The following RSRC1 variants were observed in gnomAD, a reference collection of about 807,000 sequenced individuals.
RSRC1 encodes the protein arginine and serine rich coiled-coil 1.
RSRC1 carries 39 observed loss-of-function variants against 49.1 expected under a neutral mutation model. That is an observed-to-expected ratio of 0.79 (90% CI 0.61 to 1.04). The LOEUF (loss-of-function observed/expected upper bound fraction) is 1.04. RSRC1 is among the 50% of genes least tolerant of loss of function. The probability of loss-of-function intolerance (pLI) is 0.00; values close to 1 mark genes in which losing one functional copy is unlikely to be tolerated. For missense variants in RSRC1, 388 were observed against 402.4 expected (o/e 0.96, Z 0.31); for synonymous variants, 143 against 130.8 (o/e 1.09, Z -0.63).
chr3:158,267,151 A>G (rs936926561), intron 4 of RSRC1, among the ~76,000 whole-genome samples: 1 of 151,980 alleles, frequency 6.6e-6, no homozygotes, highest in African/African-American at 2.4e-5. Flanking sequence ...TTTCCTCATC[A>G]CTTTGTATTG....
At chr3:158,293,628 C>T (rs996834485) in intron 4 of RSRC1, among the ~76,000 whole-genome samples, 1 of 151,956 alleles carries the variant, frequency 6.6e-6, no homozygotes, top group African/African-American at 2.4e-5. Flanking sequence ...CTTTACTTGC[C>T]TTACCTTGTT....
At chr3:158,258,208 C>CTTTTTTTTTT (rs71144451) in intron 4 of RSRC1, among the ~76,000 whole-genome samples, 6 of 65,776 alleles carry the variant, frequency 9.1e-5, no homozygotes, top group Non-Finnish European at 1.4e-4. Flanking sequence ...TCCTTTTAAC[C>CTTTTTTTTTT]TTTTTTTTTT....
At chr3:158,216,142 A>AT (rs1325041724) in intron 4 of RSRC1, among the ~76,000 whole-genome samples, 1 of 151,514 alleles carries the variant, frequency 6.6e-6, no homozygotes, top group Non-Finnish European at 1.5e-5. Context: ...AGTAATTGCG[A>AT]TTTTGCCATC....
chr3:158,203,102 T>C lies in RSRC1; in HGVS notation c.351T>C (p.His117=). 1 of 1,613,582 alleles carries C rather than the reference T, an allele frequency of 6.2e-7. No individual in the cohort carries two copies. The highest frequency in any genetic ancestry group is 1.1e-5 in the South Asian group (1 of 91,034). The change falls in exon 4 of 10, where the codon CAT becomes CAC. Residue 117 remains histidine (H), a synonymous_variant. Transcript: ENST00000611884. ...GGTCAAGACCTCGTCTCCGTTCTCA[T>C]AGTCGTAGCAGTGAAAGGTCCAGTC... The part of the protein sequence containing the change: ...RSRSRPRLRS[H]SRSSERSSHR...
At chr3:158,207,697 G>C (rs940149956) in intron 4 of RSRC1, among the ~76,000 whole-genome samples, 1 of 98,906 alleles carries the variant, frequency 1.0e-5, no homozygotes, top group Admixed American at 1.1e-4. Context: ...AGGACACAAA[G>C]TATATATTTA....
chr3:158,445,060 T>C (rs1006798499), intron 6 of RSRC1, among the ~76,000 whole-genome samples: 11 of 152,192 alleles, frequency 7.2e-5, no homozygotes, highest in Non-Finnish European at 1.3e-4. Flanking sequence ...TTGGTGGGAC[T>C]GTAAACTAGT....
chr3:158,479,586 T>C (rs1039474575), intron 7 of RSRC1, among the ~76,000 whole-genome samples: 2 of 152,044 alleles, frequency 1.3e-5, no homozygotes, highest in African/African-American at 4.8e-5. Context: ...TTAACCAAGC[T>C]TGATACCCCT....
chr3:158,124,710 T>TAGTA (rs1334237179), intron 3 of RSRC1, among the ~76,000 whole-genome samples: 1 of 152,206 alleles, frequency 6.6e-6, no homozygotes. Context: ...TTAGCATTCT[T>TAGTA]AGTAGTCTTT....
At chr3:158,355,964 GTTTAA>G (rs915697510) in intron 6 of RSRC1, among the ~76,000 whole-genome samples, 6 of 151,634 alleles carry the variant, frequency 4.0e-5, no homozygotes, top group African/African-American at 1.2e-4. Flanking sequence ...CTATGATAAA[GTTTAA>G]TTTATAGATT....
chr3:158,480,482 G>C (rs1008270734), intron 7 of RSRC1, among the ~76,000 whole-genome samples: 1 of 151,910 alleles, frequency 6.6e-6, no homozygotes, highest in African/African-American at 2.4e-5. Context: ...CTTTTGGTTA[G>C]AAAGTGCTCT....
chr3:158,208,180 T>C (rs1721453400), intron 4 of RSRC1, among the ~76,000 whole-genome samples: 1 of 152,162 alleles, frequency 6.6e-6, no homozygotes, highest in Non-Finnish European at 1.5e-5. Context: ...ATTTAGTTTC[T>C]AAGAATATTT....
chr3:158,307,633 C>G (rs1191441769), intron 5 of RSRC1, among the ~76,000 whole-genome samples: 1 of 151,644 alleles, frequency 6.6e-6, no homozygotes, highest in Non-Finnish European at 1.5e-5. Flanking sequence ...AAGGGCACTG[C>G]TAGTATAAAA....
rs539616934 is a variant in RSRC1, at chr3:158,304,852, C to A, written c.531+6777C>A. ...TTTCTACAAGACCAATTCCATAAAT[C>A]TTTCTCTTTCCTTTTAACACACAGT... On this transcript the variant is annotated intron_variant, in intron 5 of 9. Transcript: ENST00000611884. 6.2e-4 allele frequency among the ~76,000 whole-genome samples: 95 copies of A among 152,240 alleles called. 1 individual carries two copies. The South Asian group carries it at 0.019, about 31-fold the overall frequency.
chr3:158,377,632 T>C (rs1335309698), intron 6 of RSRC1, among the ~76,000 whole-genome samples: 2 of 151,958 alleles, frequency 1.3e-5, no homozygotes, highest in Non-Finnish European at 2.9e-5. Flanking sequence ...TAAACTTCTT[T>C]ACAAATTACC....
At chr3:158,427,901 G>A (rs1735546657) in intron 6 of RSRC1, among the ~76,000 whole-genome samples, 1 of 151,648 alleles carries the variant, frequency 6.6e-6, no homozygotes, top group African/African-American at 2.4e-5. Context: ...AATGTTCAAT[G>A]ACTATCTTCA....
At chr3:158,315,006 T>G (rs1728345036) in intron 5 of RSRC1, among the ~76,000 whole-genome samples, 2 of 148,564 alleles carry the variant, frequency 1.3e-5, no homozygotes, top group Non-Finnish European at 3.0e-5. Context: ...CAATCCAGCC[T>G]GGGCAACAGA....
At chr3:158,254,859 A>G (rs1244508139) in intron 4 of RSRC1, among the ~76,000 whole-genome samples, 2 of 152,120 alleles carry the variant, frequency 1.3e-5, no homozygotes, top group Non-Finnish European at 2.9e-5. Flanking sequence ...GGCTGCATAA[A>G]TGTCTTCTTT....
intron 6 of RSRC1, among the ~76,000 whole-genome samples, chr3:158,361,488 G>A (rs925534982): frequency 6.6e-5 from 10 of 152,240 alleles, no homozygotes; most frequent in Middle Eastern, 6.8e-3. Flanking sequence ...ACCCACTACC[G>A]TTATTGCTGG....
chr3:158,341,869 G>C (rs989809768), intron 5 of RSRC1, among the ~76,000 whole-genome samples: 3 of 152,192 alleles, frequency 2.0e-5, no homozygotes, highest in African/African-American at 7.2e-5. Flanking sequence ...AAGACCATGG[G>C]AACCCACCTC....
Sources: allele counts gnomAD v4.1 joint callset (sites outside exome capture counted in the v4.1 genomes callset), GRCh38; gene constraint gnomAD v4.1.1; transcripts MANE v1.5; gene names NCBI Gene and HGNC (gene_info 2026-07-23, HGNC 2026-07-21).